GRIK1: variants seen among roughly 807,000 people sequenced by gnomAD.
GRIK1 encodes glutamate receptor ionotropic, kainate 1.
In GRIK1, 69 loss-of-function variants were observed where a neutral mutation model predicts 105.7. The ratio of observed to expected loss-of-function variants is 0.65; its 90% CI spans 0.54 to 0.80. GRIK1 has a LOEUF of 0.80. Ranked by LOEUF, GRIK1 falls within the 30% of genes least tolerant of loss-of-function variation. The pLI, the probability that GRIK1 is intolerant of heterozygous loss-of-function variation, is 0.00. For synonymous variants in GRIK1, 438 were observed against 431.3 expected (o/e 1.02, Z -0.19); for missense variants, 1,109 against 1,167.3 (o/e 0.95, Z 0.73).
At chr21:29,811,864 C>G (rs982446069) in intron 1 of GRIK1, among the ~76,000 whole-genome samples, 1 of 152,172 alleles carries the variant, frequency 6.6e-6, no homozygotes, top group Non-Finnish European at 1.5e-5. Flanking sequence ...GTTCCAGCCT[C>G]TCGGCTTTTC....
At chr21:29,689,684 T>G (rs1454076267) in intron 3 of GRIK1, 44 bp downstream of exon 3, 3 of 1,584,748 alleles carry the variant, frequency 1.9e-6, no homozygotes, top group Non-Finnish European at 2.6e-6. Flanking sequence ...TTCTGTTTGT[T>G]CAGAGCAGAC....
intron 3 of GRIK1, among the ~76,000 whole-genome samples, chr21:29,687,305 C>A (rs1174211973): frequency 6.6e-6 from 1 of 152,072 alleles, no homozygotes; most frequent in Non-Finnish European, 1.5e-5. Context: ...GTGCTAAGCA[C>A]ACCTAAGTCC....
rs36155253 is a variant in GRIK1 at position 29,695,436 on chromosome 21, ATATCTATCTATCTATC to A, written c.119-1389_119-1374del. Among the ~76,000 whole-genome samples, 537 of 146,744 alleles carry A rather than the reference ATATCTATCTATCTATC, an allele frequency of 3.7e-3. 3 individuals are homozygous for A. Among genetic ancestry groups the A allele is most frequent in the African/African-American group, 0.013 (509 of 40,144 alleles). On this transcript the variant is annotated intron_variant, in intron 1 of 17. Coordinates refer to ENST00000327783, the MANE Select transcript of GRIK1 (RefSeq NM_001330994.2). ...GGCTGACATATCTATATCTATATCA[ATATCTATCTATCTATC>A]TATCTATCTATCTATCTATCTATCT... is the stretch of plus-strand genomic sequence containing the variant.
chr21:29,888,052 C>T (rs1360126073), intron 1 of GRIK1, among the ~76,000 whole-genome samples: 1 of 151,530 alleles, frequency 6.6e-6, no homozygotes, highest in Non-Finnish European at 1.5e-5. Flanking sequence ...GCCTGCTTCC[C>T]CCAACAACCT....
intron 12 of GRIK1, among the ~76,000 whole-genome samples, chr21:29,585,596 T>C (rs890545818): frequency 2.0e-5 from 3 of 152,090 alleles, no homozygotes; most frequent in African/African-American, 7.2e-5. Flanking sequence ...CCCTGCGAAA[T>C]ATGGAAACTA....
chr21:29,880,693 G>A (rs749273954), intron 1 of GRIK1, among the ~76,000 whole-genome samples: 1 of 151,874 alleles, frequency 6.6e-6, no homozygotes, highest in African/African-American at 2.4e-5. Context: ...TGCAGATGGA[G>A]TGTCTTTTCA....
chr21:29,793,474 A>C (rs1601712268), intron 1 of GRIK1, among the ~76,000 whole-genome samples: 8 of 139,580 alleles, frequency 5.7e-5, no homozygotes, highest in South Asian at 4.7e-4. Flanking sequence ...TCTCTCTCCC[A>C]CCCCCTACCC....
At chr21:29,884,595 A>G (rs1432127842) in intron 1 of GRIK1, among the ~76,000 whole-genome samples, 2 of 152,038 alleles carry the variant, frequency 1.3e-5, no homozygotes, top group Non-Finnish European at 2.9e-5. Context: ...AGTGGGTGCC[A>G]ATGTTTCTAA....
At chr21:29,592,861 A>T (rs1568860118) in intron 9 of GRIK1, among the ~76,000 whole-genome samples, 1 of 152,160 alleles carries the variant, frequency 6.6e-6, no homozygotes, top group Non-Finnish European at 1.5e-5. Flanking sequence ...AGCTATGACA[A>T]GTGGCAGTTT....
intron 1 of GRIK1, among the ~76,000 whole-genome samples, chr21:29,934,123 A>G (rs2071666630): frequency 6.6e-6 from 1 of 152,208 alleles, no homozygotes; most frequent in South Asian, 2.1e-4. Flanking sequence ...ACACTCTAAC[A>G]ACAAACAGTG....
intron 1 of GRIK1, among the ~76,000 whole-genome samples, chr21:29,834,348 CAT>C (rs1383307400): frequency 3.4e-5 from 5 of 148,596 alleles, no homozygotes; most frequent in Admixed American, 1.4e-4. Flanking sequence ...TTATGTATTA[CAT>C]ATATATTATA....
chr21:29,893,157 A>G (rs1288784056), intron 1 of GRIK1, among the ~76,000 whole-genome samples: 2 of 152,206 alleles, frequency 1.3e-5, no homozygotes, highest in East Asian at 3.9e-4. Context: ...GGAAATTGAG[A>G]CTTTAAGAGA....
At chr21:29,728,393 G>C (rs1410751175) in intron 1 of GRIK1, among the ~76,000 whole-genome samples, 2 of 152,108 alleles carry the variant, frequency 1.3e-5, no homozygotes, top group Non-Finnish European at 2.9e-5. Context: ...TGACGTGAAG[G>C]GGGATAGGGC....
At chr21:29,864,975 A>G (rs1382297663) in intron 1 of GRIK1, among the ~76,000 whole-genome samples, 1 of 152,212 alleles carries the variant, frequency 6.6e-6, no homozygotes, top group African/African-American at 2.4e-5. Context: ...ATCCTACAAC[A>G]TTCAGAACAG....
At chr21:29,585,499 C>A (rs186318841) in intron 12 of GRIK1, among the ~76,000 whole-genome samples, 1 of 152,152 alleles carries the variant, frequency 6.6e-6, no homozygotes, top group African/African-American at 2.4e-5. Flanking sequence ...AATGTATTTG[C>A]TCATCAACCT....
At chr21:29,879,067 A>G (rs2069298785) in intron 1 of GRIK1, among the ~76,000 whole-genome samples, 8 of 152,132 alleles carry the variant, frequency 5.3e-5, no homozygotes. Context: ...GACAGAGAGG[A>G]GTTAAAGATG....
intron 2 of GRIK1, among the ~76,000 whole-genome samples, chr21:29,690,296 G>A (rs944395475): frequency 5.3e-5 from 8 of 152,162 alleles, no homozygotes; most frequent in African/African-American, 1.9e-4. Context: ...GCTTGGTATG[G>A]TGTTACCTGA....
At chr21:29,817,454 C>T (rs1476210405) in intron 1 of GRIK1, among the ~76,000 whole-genome samples, 1 of 152,014 alleles carries the variant, frequency 6.6e-6, no homozygotes, top group East Asian at 1.9e-4. Flanking sequence ...TGTTCCTAAC[C>T]ATTCACTGCC....
chr21:29,802,431 T>G (rs1010741428), intron 1 of GRIK1, among the ~76,000 whole-genome samples: 2 of 152,142 alleles, frequency 1.3e-5, no homozygotes, highest in African/African-American at 4.8e-5. Context: ...TCTCTGCCTC[T>G]TCCCACCTCC....
Sources: allele counts gnomAD v4.1 joint callset (sites outside exome capture counted in the v4.1 genomes callset), GRCh38; gene constraint gnomAD v4.1.1; transcripts MANE v1.5; gene names NCBI Gene and HGNC (gene_info 2026-07-23, HGNC 2026-07-21).